TAFA2: variants seen among roughly 807,000 people sequenced by gnomAD.
TAFA2 encodes the protein TAFA chemokine like family member 2.
TAFA2 carries 7 observed loss-of-function variants against 18.8 expected under a neutral mutation model. The ratio of observed to expected loss-of-function variants is 0.37; its 90% CI spans 0.21 to 0.70. The LOEUF is 0.70. Among genes scored for constraint, TAFA2 ranks in the 30% least tolerant of loss-of-function variants. The pLI is 0.53. For synonymous variants in TAFA2, 60 were observed against 54.2 expected (o/e 1.11, Z -0.47); for missense variants, 122 against 158.1 (o/e 0.77, Z 1.23).
chr12:61,874,361 G>A (rs1874752094), intron 1 of TAFA2, among the ~76,000 whole-genome samples: 1 of 152,102 alleles, frequency 6.6e-6, no homozygotes, highest in African/African-American at 2.4e-5. Context: ...TCAGTGTTTT[G>A]TAATGAATCC....
chr12:62,056,177 G>A (rs1592308860), intron 1 of TAFA2, among the ~76,000 whole-genome samples: 1 of 152,092 alleles, frequency 6.6e-6, no homozygotes, highest in Non-Finnish European at 1.5e-5. Context: ...CTCCTATAAT[G>A]CTTTTATTAT....
chr12:62,084,878 A>T (rs1209518468), intron 1 of TAFA2, among the ~76,000 whole-genome samples: 1 of 152,224 alleles, frequency 6.6e-6, no homozygotes, highest in Non-Finnish European at 1.5e-5. Flanking sequence ...GCTGAATAGC[A>T]TCAACAAGCT....
At chr12:62,087,872 A>AG (rs1868522220) in intron 1 of TAFA2, among the ~76,000 whole-genome samples, 1 of 152,094 alleles carries the variant, frequency 6.6e-6, no homozygotes, top group Non-Finnish European at 1.5e-5. Flanking sequence ...GTCATGACAG[A>AG]GAAAAATGGA....
intron 2 of TAFA2, among the ~76,000 whole-genome samples, chr12:61,864,048 TCTC>T (rs1477108303): frequency 1.1e-3 from 171 of 152,082 alleles, no homozygotes; most frequent in African/African-American, 3.9e-3. Context: ...TTGCTCTCAT[TCTC>T]CTGAGAGCAC....
intron 2 of TAFA2, among the ~76,000 whole-genome samples, chr12:61,811,460 T>G (rs1320426227): frequency 6.6e-6 from 1 of 151,372 alleles, no homozygotes; most frequent in Non-Finnish European, 1.5e-5. Context: ...TTCATTAAAT[T>G]AGGAAGTTTT....
chr12:62,091,379 A>T (rs1444258), intron 1 of TAFA2, among the ~76,000 whole-genome samples: 28,254 of 151,894 alleles, frequency 0.19, 2,876 homozygotes, highest in East Asian at 0.39. Flanking sequence ...ATACTGTTAA[A>T]ATTAAGTATT....
chr12:61,823,251 C>T (rs1202477966), intron 2 of TAFA2, among the ~76,000 whole-genome samples: 2 of 152,038 alleles, frequency 1.3e-5, no homozygotes, highest in Non-Finnish European at 2.9e-5. Context: ...TAGCTCACTG[C>T]AGCCTGAAAC....
At chr12:62,051,855 G>T (rs1882063228) in intron 1 of TAFA2, among the ~76,000 whole-genome samples, 1 of 151,974 alleles carries the variant, frequency 6.6e-6, no homozygotes, top group Non-Finnish European at 1.5e-5. Context: ...TTTACACCAG[G>T]AGTCAGCAAA....
intron 1 of TAFA2, among the ~76,000 whole-genome samples, chr12:62,246,495 A>C (rs539957750): frequency 1.3e-5 from 2 of 152,328 alleles, no homozygotes; most frequent in African/African-American, 4.8e-5. Flanking sequence ...GGGCTGAAGA[A>C]TCAATATATT....
At chr12:61,819,644 G>T (rs1592410375) in intron 2 of TAFA2, among the ~76,000 whole-genome samples, 1 of 152,198 alleles carries the variant, frequency 6.6e-6, no homozygotes, top group Non-Finnish European at 1.5e-5. Flanking sequence ...AGGTGTTCAA[G>T]GGTGAATTAT....
chr12:61,974,566 T>C (rs2136668933), intron 1 of TAFA2, among the ~76,000 whole-genome samples: 1 of 151,908 alleles, frequency 6.6e-6, no homozygotes, highest in South Asian at 2.1e-4. Flanking sequence ...ACAGATTTTA[T>C]AAAGTATAAT....
chr12:62,212,489 A>G (rs1301892090), intron 1 of TAFA2, among the ~76,000 whole-genome samples: 4 of 152,186 alleles, frequency 2.6e-5, no homozygotes, highest in Non-Finnish European at 5.9e-5. Context: ...TTCTGCCCCC[A>G]TTAGACACTT....
At chr12:62,051,998 A>G (rs751184010) in intron 1 of TAFA2, among the ~76,000 whole-genome samples, 3 of 152,150 alleles carry the variant, frequency 2.0e-5, no homozygotes, top group Non-Finnish European at 4.4e-5. Context: ...AACATGTTAT[A>G]TTTCCATAAA....
chr12:62,074,011 G>A (rs1053502471), intron 1 of TAFA2, among the ~76,000 whole-genome samples: 2 of 152,214 alleles, frequency 1.3e-5, no homozygotes, highest in African/African-American at 2.4e-5. Context: ...TTCGAGGTTG[G>A]TGAGTACAAA....
intron 2 of TAFA2, among the ~76,000 whole-genome samples, chr12:61,815,036 G>A (rs1167951637): frequency 6.6e-6 from 1 of 151,540 alleles, no homozygotes; most frequent in Non-Finnish European, 1.5e-5. Flanking sequence ...GTCACCTAGT[G>A]TGTGGTAATT....
chr12:62,064,539 T>C (rs1217501799), intron 1 of TAFA2, among the ~76,000 whole-genome samples: 1 of 152,036 alleles, frequency 6.6e-6, no homozygotes, highest in Non-Finnish European at 1.5e-5. Context: ...TATACACCAC[T>C]CAAATCTGTT....
At chr12:61,819,273 T>C (rs992220783) in intron 2 of TAFA2, among the ~76,000 whole-genome samples, 5 of 152,230 alleles carry the variant, frequency 3.3e-5, no homozygotes, top group African/African-American at 1.2e-4. Flanking sequence ...CTAAATGTAC[T>C]ATAAAAATCG....
chr12:62,201,424 A>G lies in TAFA2; in HGVS notation c.-130+57339T>C, dbSNP rs562464507. Among the ~76,000 whole-genome samples, 11 of 152,284 alleles carry G rather than the reference A, an allele frequency of 7.2e-5. No homozygotes were observed. In the South Asian group the frequency reaches 2.1e-3, roughly 29 times the overall value. On this transcript the variant is annotated intron_variant, in intron 1 of 5. Coordinates refer to the TAFA2 transcript ENST00000551619. ...GAGGTATGTTCCATCAATACCTAGTATATTGAGAGTTTTTAACATGAAGAG... is the reference window on the plus strand; with the variant it reads ...GAGGTATGTTCCATCAATACCTAGTGTATTGAGAGTTTTTAACATGAAGAG...
intron 1 of TAFA2, among the ~76,000 whole-genome samples, chr12:61,996,787 G>A (rs1034075112): frequency 5.9e-5 from 9 of 152,114 alleles, no homozygotes; most frequent in Non-Finnish European, 1.0e-4. Context: ...TTTGGGGTGG[G>A]AGGGATCTAA....
Sources: gnomAD v4.1 joint callset for allele counts (sites outside exome capture counted in the v4.1 genomes callset) on GRCh38, gnomAD v4.1.1 for gene constraint, MANE v1.5 for transcripts, NCBI Gene and HGNC (gene_info 2026-07-23, HGNC 2026-07-21) for gene names.